The following DYDC1 variants were observed in gnomAD, a reference collection of about 807,000 sequenced individuals.
DYDC1 encodes DPY30 domain-containing protein 1.
Under a neutral mutation model 27.9 loss-of-function variants are expected in DYDC1, and 21 were observed. The ratio of observed to expected loss-of-function variants is 0.75; its 90% confidence interval spans 0.53 to 1.08. The LOEUF (loss-of-function observed/expected upper bound fraction) is 1.08, where lower values mean the gene tolerates loss of function less well. Ranked by LOEUF, DYDC1 falls within the 50% of genes least tolerant of loss-of-function variation. DYDC1 has a pLI of 0.00. For missense variants in DYDC1, 202 were observed against 205.9 expected (o/e 0.98, Z 0.12); for synonymous variants, 67 against 65.8 (o/e 1.02, Z -0.09).
chr10:80,349,203 T>C (rs1842845431), intron 3 of DYDC1, among the ~76,000 whole-genome samples: 1 of 152,202 alleles, frequency 6.6e-6, no homozygotes, highest in African/African-American at 2.4e-5. Flanking sequence ...CAGATAAATA[T>C]TTTAAAATAG....
chr10:80,341,318 C>T (rs1842308752), intron 4 of DYDC1, among the ~76,000 whole-genome samples: 1 of 151,296 alleles, frequency 6.6e-6, no homozygotes, highest in African/African-American at 2.4e-5. Flanking sequence ...TTGTGCGTGC[C>T]TGTAATCCCA....
Position 80,352,714 on chromosome 10 carries a change from C to T in DYDC1, c.-9-104G>A, listed in dbSNP as rs372184482. ...CAAAGCCTTACATACACCCTGCCCT[C>T]AGTCATGGACACCTCCCATTGGGGG... On this transcript the variant is annotated intron_variant, in intron 1 of 6. Transcript: ENST00000372202. 39 of 1,312,888 alleles carry T rather than the reference C, an allele frequency of 3.0e-5. 1 individual carries two copies. In the African/African-American group the frequency reaches 3.9e-4, roughly 13 times the overall value. The allele number at this position is 1,312,888 out of a possible 1,614,324, so 81.3% of individuals were successfully genotyped here. A position where few individuals can be genotyped will look rare whatever the true frequency, so the allele number is the denominator to read the frequency against.
At chr10:80,355,565 A>C (rs1166486077) in intron 1 of DYDC1, among the ~76,000 whole-genome samples, 1 of 152,182 alleles carries the variant, frequency 6.6e-6, no homozygotes, top group East Asian at 1.9e-4. Context: ...CAATAGTCAC[A>C]CTGAAGCACC....
intron 6 of DYDC1, 47 bp from the exon 7 acceptor site, chr10:80,336,232 GT>G: frequency 6.6e-7 from 1 of 1,524,172 alleles, no homozygotes; most frequent in Admixed American, 2.4e-5. Context: ...AATTAGAACT[GT>G]GAAAAGGCAC....
At chr10:80,337,409 A>T in intron 6 of DYDC1, 1 of 985,444 alleles carries the variant, frequency 1.0e-6, no homozygotes, top group Non-Finnish European at 1.2e-6. Flanking sequence ...CTTGAAAACA[A>T]CATTTACTTC....
chr10:80,350,573 A>G (rs1202251269), intron 3 of DYDC1, among the ~76,000 whole-genome samples: 1 of 152,340 alleles, frequency 6.6e-6, no homozygotes, highest in Non-Finnish European at 1.5e-5. Flanking sequence ...TAGAGTTTTC[A>G]ACAGCCCTAT....
intron 1 of DYDC1, among the ~76,000 whole-genome samples, chr10:80,356,036 G>A (rs1047692441): frequency 8.6e-5 from 13 of 150,674 alleles, no homozygotes; most frequent in Admixed American, 6.0e-4. Flanking sequence ...TGCTCCAGAA[G>A]GATAAAATGT....
At chr10:80,349,542 G>A (rs894967475) in intron 3 of DYDC1, among the ~76,000 whole-genome samples, 1 of 152,142 alleles carries the variant, frequency 6.6e-6, no homozygotes, top group Non-Finnish European at 1.5e-5. Context: ...ATTTGCAAAA[G>A]CTTTTAAAGG....
chr10:80,348,299 A>G (rs1021732387), intron 3 of DYDC1, among the ~76,000 whole-genome samples: 2 of 152,202 alleles, frequency 1.3e-5, no homozygotes, highest in Non-Finnish European at 2.9e-5. Flanking sequence ...ATGAGAAGAA[A>G]TACTCCCAAC....
chr10:80,337,162 C>A (rs780610968), intron 6 of DYDC1: 24 of 985,344 alleles, frequency 2.4e-5, no homozygotes, highest in Non-Finnish European at 2.8e-5. Flanking sequence ...TCATCTCAGG[C>A]TAATTCCTTG....
At chr10:80,352,770 C>T (rs1843081397) in intron 1 of DYDC1, 160 bp from the exon 2 acceptor site, 5 of 901,286 alleles carry the variant, frequency 5.5e-6, no homozygotes, top group East Asian at 3.3e-5. Flanking sequence ...CAGGAAACTT[C>T]TAATAGTTTC....
intron 3 of DYDC1, among the ~76,000 whole-genome samples, chr10:80,351,566 T>C (rs776945881): frequency 1.8e-4 from 27 of 151,874 alleles, no homozygotes; most frequent in African/African-American, 6.0e-4. Context: ...GCAATAGATA[T>C]GGTTGACCAC....
intron 3 of DYDC1, among the ~76,000 whole-genome samples, chr10:80,343,457 T>A (rs2132763781): frequency 6.6e-6 from 1 of 152,062 alleles, no homozygotes; most frequent in South Asian, 2.1e-4. Context: ...CTGTGACATT[T>A]AAAAAAATTA....
intron 4 of DYDC1, among the ~76,000 whole-genome samples, chr10:80,341,936 A>G (rs1465032733): frequency 6.6e-6 from 1 of 151,762 alleles, no homozygotes; most frequent in African/African-American, 2.4e-5. Flanking sequence ...AGGCAGGAGA[A>G]TCACTTGAAC....
intron 3 of DYDC1, among the ~76,000 whole-genome samples, chr10:80,346,444 CTTT>C (rs1032729095): frequency 2.5e-4 from 21 of 83,354 alleles, no homozygotes; most frequent in South Asian, 1.1e-3. Flanking sequence ...TCTTCCCTTT[CTTT>C]TTTTTTTTTT....
chr10:80,337,721 C>T (rs1359279489), intron 6 of DYDC1, among the ~76,000 whole-genome samples: 1 of 152,184 alleles, frequency 6.6e-6, no homozygotes, highest in East Asian at 1.9e-4. Context: ...GAGCACTATC[C>T]TCAGCCTCCC....
At chr10:80,348,977 C>T (rs1255485568) in intron 3 of DYDC1, among the ~76,000 whole-genome samples, 1 of 152,146 alleles carries the variant, frequency 6.6e-6, no homozygotes, top group African/African-American at 2.4e-5. Flanking sequence ...CTGCAAGCTC[C>T]GCCTCCTGGG....
In DYDC1 at chr10:80,336,205, T is replaced by C; in HGVS notation, c.505-20A>G. 1 of 1,573,668 alleles carries C rather than the reference T, an allele frequency of 6.4e-7. No homozygotes were observed. The highest frequency in any genetic ancestry group is 8.6e-7 in the Non-Finnish European group (1 of 1,165,330). On this transcript the variant is annotated intron_variant, in intron 6 of 6. Transcript: ENST00000372202. ...TGCAATCTAAAAGCAAAACAAAAAGTAAATATTCCTTAATACAATTAGAAC... is the reference window on the plus strand; with the variant it reads ...TGCAATCTAAAAGCAAAACAAAAAGCAAATATTCCTTAATACAATTAGAAC...
intron 3 of DYDC1, among the ~76,000 whole-genome samples, chr10:80,347,430 C>T (rs1842735891): frequency 1.3e-5 from 2 of 151,886 alleles, no homozygotes; most frequent in South Asian, 4.1e-4. Context: ...TGATTGTTTG[C>T]TGTGCAAGAG....
Sources: gnomAD v4.1 joint callset for allele counts (sites outside exome capture counted in the v4.1 genomes callset) on GRCh38, gnomAD v4.1.1 for gene constraint, MANE v1.5 for transcripts, NCBI Gene and HGNC (gene_info 2026-07-23, HGNC 2026-07-21) for gene names.